TNS1: variants seen among roughly 807,000 people sequenced by gnomAD.
TNS1 encodes the protein tensin-1.
In TNS1, 62 loss-of-function variants were observed where a neutral mutation model predicts 168.6. The observed-to-expected ratio is 0.37, with a 90% CI of 0.30 to 0.45. The LOEUF is 0.45. Among genes scored for constraint, TNS1 ranks in the 20% least tolerant of loss-of-function variants. The pLI is 1.00. For missense variants in TNS1, 2,240 were observed against 2,339.4 expected (o/e 0.96, Z 0.88); for synonymous variants, 934 against 933.2 (o/e 1.00, Z -0.02).
At position 217,809,513 on chromosome 2, in the gene TNS1, ATGGATGGATAGG is replaced by A. The variant is rs1940306501; in HGVS notation, c.5273+298_5273+309del. Among the ~76,000 whole-genome samples the A allele has an allele frequency of 2.0e-5, 2 of 97,606 alleles. 1 individual carries two copies. Among genetic ancestry groups the A allele is most frequent in the African/African-American group, 1.0e-4 (2 of 19,828 alleles). 64.0% of individuals were successfully genotyped at this position (97,606 alleles called of 152,430 possible). On this transcript the variant is annotated intron_variant, in intron 30 of 32. Coordinates refer to ENST00000682258, the MANE Select transcript of TNS1 (RefSeq NM_001387777.1). ...GATGCATGGATGGATGCATGGATGG[ATGGATGGATAGG>A]TGCATGGATGGATGCATGGATGGAT...
chr2:217,883,473 C>T (rs1345936290), intron 16 of TNS1, among the ~76,000 whole-genome samples: 2 of 151,664 alleles, frequency 1.3e-5, no homozygotes, highest in African/African-American at 4.8e-5. Flanking sequence ...CTATATTTAC[C>T]AGGCTAGTCT....
chr2:217,813,746 C>G lies in TNS1; in HGVS notation c.4800G>C (p.Ala1600=). ...IIRDSHSFRG[A]YGLAMKVSSP... The stretch of plus-strand genomic sequence containing the variant: ...AAGACACCTTCATGGCCAGCCCGTA[C>G]GCGCCTCGGAAGGAGTGACTGTCGC... The change falls in exon 26 of 33, where the codon GCG becomes GCC. Residue 1600 remains alanine, a synonymous_variant. Transcript: ENST00000682258. This position sits in a 1 kb window ranked among gnomAD's most constrained non-coding sequence, Gnocchi z 4.0. 6.2e-7 allele frequency: 1 copy of G among 1,613,924 alleles called. No individual in the cohort carries two copies. The highest frequency in any genetic ancestry group is 8.5e-7 in the Non-Finnish European group (1 of 1,179,906).
chr2:217,981,442 G>C (rs372699799), intron 2 of TNS1, among the ~76,000 whole-genome samples: 3 of 152,342 alleles, frequency 2.0e-5, no homozygotes, highest in African/African-American at 7.2e-5. Context: ...CAAGTGGGGG[G>C]GCAAATGGAG....
At chr2:217,847,480 T>G (rs1574784175) in intron 19 of TNS1, 30 bp downstream of exon 19, 1 of 1,391,850 alleles carries the variant, frequency 7.2e-7, no homozygotes, top group Non-Finnish European at 9.4e-7. Context: ...AAGGAAGGGG[T>G]AGAAGGAGTC....
intron 21 of TNS1, among the ~76,000 whole-genome samples, chr2:217,832,602 C>T (rs1253006634): frequency 2.0e-5 from 3 of 152,210 alleles, no homozygotes; most frequent in East Asian, 3.8e-4. Context: ...AAATGCTCCA[C>T]GACCCTCCCT....
Position 217,813,312 on chromosome 2 carries a change from G to A in TNS1, c.4862-5C>T, listed in dbSNP as rs756852098. 7.0e-6 allele frequency: 11 copies of A among 1,574,028 alleles called. No homozygotes were observed. In the South Asian group the frequency reaches 1.2e-4, roughly 17 times the overall value. On this transcript the variant is annotated splice_region_variant and splice_polypyrimidine_tract_variant and intron_variant, in intron 26 of 32. Transcript: ENST00000682258. The surrounding 1 kb of genome is among the most constrained non-coding windows in gnomAD (Gnocchi z 4.0). ...CCAGCTCATGGGTCATGTCTCCTGG[G>A]ACAAAGAGAAAGAAATAAGGCTCAG... is the stretch of plus-strand genomic sequence containing the variant.
chr2:218,017,325 C>T (rs1036892343), intron 1 of TNS1, among the ~76,000 whole-genome samples: 1 of 152,238 alleles, frequency 6.6e-6, no homozygotes, highest in African/African-American at 2.4e-5. Flanking sequence ...CAGGCCCAGC[C>T]CCAGGCAGAC....
Position 217,873,512 on chromosome 2 carries a change from C to T in TNS1, c.1429+7386G>A, listed in dbSNP as rs182560639. The stretch of plus-strand genomic sequence containing the variant: ...GCGCACTGGCCACCTCAACCCGGGT[C>T]TTTGCGGGGGCCAGGAGTGCTGACT... On this transcript the variant is annotated intron_variant, in intron 18 of 32. Transcript: ENST00000682258. Among the ~76,000 whole-genome samples the T allele has an allele frequency of 3.9e-3, 595 of 152,294 alleles. 3 individuals carry two copies. The highest frequency in any genetic ancestry group is 5.4e-3 in the Admixed American group (83 of 15,306).
intron 2 of TNS1, among the ~76,000 whole-genome samples, chr2:217,980,369 G>C: frequency 6.6e-6 from 1 of 152,042 alleles, no homozygotes; most frequent in South Asian, 2.1e-4. Context: ...CCCTCACTTC[G>C]CAAAGGTGTT....
intron 22 of TNS1, among the ~76,000 whole-genome samples, chr2:217,830,801 T>C (rs747950909): frequency 1.3e-5 from 2 of 151,990 alleles, no homozygotes; most frequent in Non-Finnish European, 2.9e-5. Flanking sequence ...AGCCCGGAGG[T>C]GGCAGGTCCT....
Position 217,818,306 on chromosome 2 carries a change from C to G in TNS1, c.4026G>C (p.Ala1342=), listed in dbSNP as rs963635241. ...STVSSPQSSA[A]TTPGSPSLCR... Reference sequence around the variant, plus strand: ...ACAGGCTGGGGCTCCCCGGGGTGGTCGCTGCACTGCTCTGGGGGCTGGAGA... The same window carrying G: ...ACAGGCTGGGGCTCCCCGGGGTGGTGGCTGCACTGCTCTGGGGGCTGGAGA... Residue 1342 remains alanine, a synonymous_variant, in exon 24 of 33, where the codon GCG becomes GCC. Transcript: ENST00000682258. The G allele has an allele frequency of 6.8e-6, 11 of 1,613,606 alleles. No individual in the cohort carries two copies. Among genetic ancestry groups the G allele is most frequent in the Non-Finnish European group, 8.5e-6 (10 of 1,179,828 alleles).
At chr2:217,997,378 G>A (rs184513771) in intron 1 of TNS1, among the ~76,000 whole-genome samples, 67 of 152,272 alleles carry the variant, frequency 4.4e-4, no homozygotes, top group Non-Finnish European at 8.8e-4. Flanking sequence ...TCAGGATCCT[G>A]AACTGCCTTT....
In TNS1 at chr2:217,859,649, G is replaced by T. The variant is rs111245117; in HGVS notation, c.1430-10562C>A. On this transcript the variant is annotated intron_variant, in intron 18 of 32. Coordinates refer to ENST00000682258, the MANE Select transcript of TNS1 (RefSeq NM_001387777.1). ...CTGGCCAGGTATATTGATCCTCCAGGCCACCTGAGATGCTTCCAATTGACT... is the reference window on the plus strand; with the variant it reads ...CTGGCCAGGTATATTGATCCTCCAGTCCACCTGAGATGCTTCCAATTGACT... 1.2e-5 allele frequency: 19 copies of T among 1,536,394 alleles called. No individual in the cohort carries two copies. In the African/African-American group the frequency reaches 1.4e-4, roughly 11 times the overall value.
At chr2:217,962,048 C>T (rs1481841185) in intron 3 of TNS1, among the ~76,000 whole-genome samples, 1 of 152,228 alleles carries the variant, frequency 6.6e-6, no homozygotes, top group Non-Finnish European at 1.5e-5. Flanking sequence ...TTCACACTTG[C>T]CAGGCCCCAC....
intron 24 of TNS1, among the ~76,000 whole-genome samples, chr2:217,816,478 C>T (rs967275082): frequency 6.6e-6 from 1 of 152,146 alleles, no homozygotes; most frequent in African/African-American, 2.4e-5. Flanking sequence ...GAGAGGTCAG[C>T]TCCCTTTCCT....
chr2:217,943,330 C>T (rs1212540993), intron 3 of TNS1, among the ~76,000 whole-genome samples: 1 of 152,162 alleles, frequency 6.6e-6, no homozygotes, highest in African/African-American at 2.4e-5. Flanking sequence ...CAAGGTCAGA[C>T]CTCAGGGAGC....
At chr2:217,973,602 G>T (rs180674240) in intron 3 of TNS1, among the ~76,000 whole-genome samples, 7 of 152,078 alleles carry the variant, frequency 4.6e-5, no homozygotes, top group African/African-American at 1.7e-4. Flanking sequence ...ATGCTTTCAC[G>T]CTTGTTCTCT....
chr2:217,826,509 C>G (rs1167635083), intron 22 of TNS1, among the ~76,000 whole-genome samples: 2 of 152,134 alleles, frequency 1.3e-5, no homozygotes, highest in African/African-American at 4.8e-5. Context: ...ACCTGCCCAG[C>G]TAGGATCAGG....
chr2:217,824,294 G>T (rs1170206759), intron 22 of TNS1, among the ~76,000 whole-genome samples: 1 of 152,236 alleles, frequency 6.6e-6, no homozygotes, highest in Non-Finnish European at 1.5e-5. Flanking sequence ...ATTAGTGGCA[G>T]TGAACACTAG....
Sources: allele counts gnomAD v4.1 joint callset (sites outside exome capture counted in the v4.1 genomes callset), GRCh38; gene constraint gnomAD v4.1.1; non-coding constraint Gnocchi (gnomAD v3.1); transcripts MANE v1.5; gene names NCBI Gene and HGNC (gene_info 2026-07-23, HGNC 2026-07-21).